The following GVQW3 variants were observed in gnomAD, a reference collection of about 807,000 sequenced individuals.
GVQW3 encodes the protein protein GVQW3.
A neutral mutation model predicts 12.5 loss-of-function variants in GVQW3; 7 were observed. That is an observed-to-expected ratio of 0.56 (90% CI 0.32 to 1.05). The LOEUF (loss-of-function observed/expected upper bound fraction) is 1.05. GVQW3 is among the 50% of genes least tolerant of loss of function. The pLI, the probability that GVQW3 is intolerant of heterozygous loss-of-function variation, is 0.04. For missense variants in GVQW3, 188 were observed against 190.8 expected (o/e 0.99, Z 0.09); for synonymous variants, 71 against 67.2 (o/e 1.06, Z -0.28).
At position 76,404,309 on chromosome 11, in the gene GVQW3, A is replaced by C; in HGVS notation, c.*551A>C. On this transcript the variant is annotated 3_prime_UTR_variant, in exon 2 of 2. Transcript: ENST00000529331. ...TCAGAAAGGTTGTCTAAACTGCCAA[A>C]GCCATAGAACTTTAAGTGCGGAAAT... is the stretch of plus-strand genomic sequence containing the variant. 1 of 269,388 alleles carries C rather than the reference A, an allele frequency of 3.7e-6. No homozygotes were observed. The highest frequency in any genetic ancestry group is 6.9e-6 in the Non-Finnish European group (1 of 144,882). 16.7% of individuals were successfully genotyped at this position (269,388 alleles called of 1,614,324 possible).
chr11:76,401,814 G>T (rs1394386700), intron 1 of GVQW3, among the ~76,000 whole-genome samples: 2 of 148,202 alleles, frequency 1.3e-5, no homozygotes, highest in African/African-American at 5.0e-5. Flanking sequence ...AGAAAAGAAA[G>T]AATTTATCTC....
At chr11:76,399,385 A>G (rs933194597) in intron 1 of GVQW3, among the ~76,000 whole-genome samples, 1 of 151,774 alleles carries the variant, frequency 6.6e-6, no homozygotes, top group Admixed American at 6.6e-5. Flanking sequence ...CAAATGATCC[A>G]CCCACCTCGG....
intron 1 of GVQW3, among the ~76,000 whole-genome samples, chr11:76,396,567 G>A (rs573549183): frequency 1.8e-4 from 28 of 152,170 alleles, no homozygotes; most frequent in African/African-American, 6.7e-4. Flanking sequence ...ATCCCACCTT[G>A]GCCTCCTAAA....
chr11:76,390,631 C>A (rs902974719), intron 1 of GVQW3, among the ~76,000 whole-genome samples: 2 of 152,072 alleles, frequency 1.3e-5, no homozygotes, highest in East Asian at 3.9e-4. Context: ...GTCAGGAGAT[C>A]GAGACCACGG....
chr11:76,393,711 AT>A (rs1034546205), intron 1 of GVQW3, among the ~76,000 whole-genome samples: 59 of 147,166 alleles, frequency 4.0e-4, no homozygotes, highest in East Asian at 9.9e-4. Context: ...ACATTCTTTA[AT>A]TTTTTTTTTT....
downstream of GVQW3, among the ~76,000 whole-genome samples, chr11:76,409,833 G>A (rs1947069339): frequency 6.6e-6 from 1 of 152,192 alleles, no homozygotes; most frequent in Admixed American, 6.5e-5. Context: ...AGCCTCACTA[G>A]TGATGCTTAT....
chr11:76,403,761 C>A lies in GVQW3; in HGVS notation c.*3C>A, dbSNP rs1375665923. On this transcript the variant is annotated 3_prime_UTR_variant, in exon 2 of 2. Transcript: ENST00000529331. ...AAGCTCTGGGATTATCAGCATGAGC[C>A]ACCATGCCAAGCCAAAACCAGGAGT... 1.9e-6 allele frequency: 1 copy of A among 535,300 alleles called. No individual in the cohort carries two copies. Among genetic ancestry groups the A allele is most frequent in the Non-Finnish European group, 3.4e-6 (1 of 293,136 alleles). 33.2% of individuals were successfully genotyped at this position (535,300 alleles called of 1,614,324 possible).
At chr11:76,385,484 TCAGTTTATTCTTCA>T in intron 1 of GVQW3, among the ~76,000 whole-genome samples, 1 of 152,332 alleles carries the variant, frequency 6.6e-6, no homozygotes, top group South Asian at 2.1e-4. Flanking sequence ...CAGACACCTC[TCAGTTTATTCTTCA>T]CAGTTTGCTC....
chr11:76,411,585 C>A (rs1326244000), downstream of GVQW3: 1 of 152,156 alleles, frequency 6.6e-6, no homozygotes, highest in Admixed American at 6.5e-5. Context: ...TGCAAGTATA[C>A]TTCATCAAGG....
chr11:76,385,716 G>A (rs568358280), intron 1 of GVQW3, among the ~76,000 whole-genome samples: 9 of 152,270 alleles, frequency 5.9e-5, no homozygotes, highest in African/African-American at 2.2e-4. Context: ...CTCCAGCCCT[G>A]GCCCCAGGTT....
In GVQW3 at chr11:76,408,058, T is replaced by C. The variant is rs1246855298; in HGVS notation, c.*4300T>C. ...GCTTTTATATATATAATTTTTCTTA[T>C]TATAACAATAAATATTACTTTTGTA... On this transcript the variant is annotated 3_prime_UTR_variant, in exon 2 of 2. Coordinates refer to ENST00000529331, the MANE Select transcript of GVQW3 (RefSeq NM_001347885.2). 6.6e-6 allele frequency: 1 copy of C among 152,132 alleles called. No individual in the cohort carries two copies. Among genetic ancestry groups the C allele is most frequent in the Non-Finnish European group, 1.5e-5 (1 of 68,022 alleles). 9.4% of individuals were successfully genotyped at this position (152,132 alleles called of 1,614,324 possible).
chr11:76,401,283 C>T (rs79094506), intron 1 of GVQW3, among the ~76,000 whole-genome samples: 338 of 152,110 alleles, frequency 2.2e-3, no homozygotes, highest in African/African-American at 8.0e-3. Flanking sequence ...TTTGTTGACT[C>T]TCTATTTTGA....
intron 1 of GVQW3, among the ~76,000 whole-genome samples, chr11:76,402,182 G>A (rs1477531809): frequency 6.6e-6 from 1 of 152,148 alleles, no homozygotes; most frequent in African/African-American, 2.4e-5. Context: ...GCTGTACCCT[G>A]TCCTGCCTTT....
In GVQW3 at chr11:76,404,996, G is replaced by T. The variant is rs1947025673; in HGVS notation, c.*1238G>T. The T allele has an allele frequency of 6.6e-6, 1 of 152,204 alleles. No homozygotes were observed. Among genetic ancestry groups the T allele is most frequent in the South Asian group, 2.1e-4 (1 of 4,836 alleles). 9.4% of individuals were successfully genotyped at this position (152,204 alleles called of 1,614,324 possible). On this transcript the variant is annotated 3_prime_UTR_variant, in exon 2 of 2. Transcript: ENST00000529331. ...GGACACTTTTTATGCATGTATATTG[G>T]AATATTTTTAGCTGTAAGTAATGAT...
intron 1 of GVQW3, among the ~76,000 whole-genome samples, chr11:76,398,878 C>A (rs947424948): frequency 4.6e-5 from 7 of 152,160 alleles, no homozygotes; most frequent in African/African-American, 1.7e-4. Flanking sequence ...GTTTGGCTCT[C>A]GCTTACTAAT....
At position 76,404,020 on chromosome 11, in the gene GVQW3, C is replaced by A. The variant is rs1947016482; in HGVS notation, c.*262C>A. The A allele has an allele frequency of 8.1e-6, 5 of 615,278 alleles. No homozygotes were observed. The highest frequency in any genetic ancestry group is 1.5e-5 in the Non-Finnish European group (5 of 331,392). The allele number at this position is 615,278 out of a possible 1,614,324, so 38.1% of individuals were successfully genotyped here. On this transcript the variant is annotated 3_prime_UTR_variant, in exon 2 of 2. Transcript: ENST00000529331. ...AATGCTAATCTCTTCCGGAAACATC[C>A]CCACAGACACACCCAGAAATAATGT... is the stretch of plus-strand genomic sequence containing the variant.
intron 1 of GVQW3, among the ~76,000 whole-genome samples, chr11:76,402,894 T>A (rs1163801147): frequency 6.6e-6 from 1 of 151,912 alleles, no homozygotes; most frequent in African/African-American, 2.4e-5. Context: ...GAGATAGAAT[T>A]TTGTCATGCT....
chr11:76,400,719 C>T (rs1248564267), intron 1 of GVQW3, among the ~76,000 whole-genome samples: 1 of 151,924 alleles, frequency 6.6e-6, no homozygotes. Flanking sequence ...TGCACCCGGC[C>T]CCTCTGTTAA....
Position 76,381,948 on chromosome 11 carries a change from G to A in GVQW3, c.120G>A (p.Arg40=). 1.3e-6 allele frequency: 2 copies of A among 1,536,362 alleles called. No homozygotes were observed. Among genetic ancestry groups the A allele is most frequent in the Non-Finnish European group, 8.7e-7 (1 of 1,146,976 alleles). ...KEAYGDEVMS[R]ARVFDWHKRF... ...CTTATGGGGATGAAGTCATGTCAAG[G>A]GCCAGAGTTTTTGACTGGCACAAAA... The change falls in exon 1 of 2, where the codon AGG becomes AGA. Residue 40 remains arginine, a synonymous_variant. Transcript: ENST00000529331.
Sources: gnomAD v4.1 joint callset for allele counts (sites outside exome capture counted in the v4.1 genomes callset) on GRCh38, gnomAD v4.1.1 for gene constraint, MANE v1.5 for transcripts, NCBI Gene and HGNC (gene_info 2026-07-23, HGNC 2026-07-21) for gene names.